STX8: variants seen among roughly 807,000 people sequenced by gnomAD.
STX8 encodes syntaxin 8, also known as syntaxin-8.
In STX8, 23 loss-of-function variants were observed where a neutral mutation model predicts 37.5. That is an observed-to-expected ratio of 0.61 (90% CI 0.44 to 0.87). The LOEUF (loss-of-function observed/expected upper bound fraction) is 0.87, where lower values mean the gene tolerates loss of function less well. Among genes scored for constraint, STX8 ranks in the 40% least tolerant of loss-of-function variants. STX8 has a pLI of 0.00. For synonymous variants in STX8, 115 were observed against 99.1 expected, an observed-to-expected ratio of 1.16 and a Z score of -0.95; for missense variants, 313 against 284.7, an observed-to-expected ratio of 1.10 and a Z score of -0.71.
At chr17:9,272,699 TTAGTTC>T (rs1907513204) in intron 7 of STX8, among the ~76,000 whole-genome samples, 1 of 152,240 alleles carries the variant, frequency 6.6e-6, no homozygotes, top group Admixed American at 6.5e-5. Context: ...TGTCTAATGA[TTAGTTC>T]CTTATGGTCC....
Position 9,358,467 on chromosome 17 carries a change from A to G in STX8, c.643+20085T>C, listed in dbSNP as rs76755258. 7.4e-3 allele frequency among the ~76,000 whole-genome samples: 1,135 copies of G among 152,356 alleles called. 18 individuals are homozygous for G. Among genetic ancestry groups the G allele is most frequent in the African/African-American group, 0.026 (1,073 of 41,586 alleles). On this transcript the variant is annotated intron_variant, in intron 7 of 7. Coordinates refer to ENST00000306357, the MANE Select transcript of STX8 (RefSeq NM_004853.3). ...TTTAAAAGGCATAATGGAAATGACAAGAAAACAGATACAAAAGGTATTTTT... is the reference window on the plus strand; with the variant it reads ...TTTAAAAGGCATAATGGAAATGACAGGAAAACAGATACAAAAGGTATTTTT...
intron 6 of STX8, among the ~76,000 whole-genome samples, chr17:9,460,673 C>CAA (rs751553222): frequency 0.42 from 40,118 of 95,968 alleles, 7,971 homozygotes; most frequent in East Asian, 0.72. Context: ...GACTCTGTCT[C>CAA]AAAAAAAAAA....
chr17:9,484,384 C>CA (rs58573668), intron 6 of STX8, among the ~76,000 whole-genome samples: 2,139 of 69,990 alleles, frequency 0.031, 24 homozygotes, highest in Non-Finnish European at 0.05. Flanking sequence ...AACCTAAGCT[C>CA]AAAAAAAAAA....
At position 9,549,725 on chromosome 17, in the gene STX8, G is replaced by A. The variant is rs185259882; in HGVS notation, c.213-4443C>T. Among the ~76,000 whole-genome samples, 46 of 152,322 alleles carry A rather than the reference G, an allele frequency of 3.0e-4. No homozygotes were observed. The East Asian group carries it at 8.7e-3, about 29-fold the overall frequency. On this transcript the variant is annotated intron_variant, in intron 3 of 7. Transcript: ENST00000306357. ...AGAGAACAGAGCATAAGGAGATGGG[G>A]AGGAGGGAGATGGAATGAGAATAAA... is the stretch of plus-strand genomic sequence containing the variant.
chr17:9,453,482 C>G (rs557430389), intron 6 of STX8, among the ~76,000 whole-genome samples: 2 of 146,516 alleles, frequency 1.4e-5, no homozygotes, highest in Admixed American at 1.4e-4. Context: ...CCTGTCACTA[C>G]TCATCTTTTT....
At chr17:9,422,854 T>TTAA (rs1913492050) in intron 6 of STX8, among the ~76,000 whole-genome samples, 1 of 152,256 alleles carries the variant, frequency 6.6e-6, no homozygotes, top group Non-Finnish European at 1.5e-5. Context: ...TCAGCTTGTA[T>TTAA]TAATGATCAC....
At chr17:9,333,256 C>G (rs565869050) in intron 7 of STX8, among the ~76,000 whole-genome samples, 47 of 152,298 alleles carry the variant, frequency 3.1e-4, no homozygotes, top group African/African-American at 1.1e-3. Flanking sequence ...CCCTCCCTCT[C>G]TCCCCCACAA....
chr17:9,504,761 T>C (rs1305842939), intron 5 of STX8, among the ~76,000 whole-genome samples: 2 of 151,724 alleles, frequency 1.3e-5, no homozygotes, highest in Non-Finnish European at 2.9e-5. Context: ...GATCATGAGG[T>C]CAGGAGATCA....
intron 7 of STX8, among the ~76,000 whole-genome samples, chr17:9,338,731 C>T (rs117900735): frequency 6.6e-6 from 1 of 152,078 alleles, no homozygotes; most frequent in African/African-American, 2.4e-5. Flanking sequence ...GGCCCAAGAC[C>T]CCCTGAATCG....
At chr17:9,387,532 A>G (rs1912057799) in intron 6 of STX8, among the ~76,000 whole-genome samples, 1 of 152,182 alleles carries the variant, frequency 6.6e-6, no homozygotes, top group Non-Finnish European at 1.5e-5. Context: ...TGACCTCATG[A>G]TCCGCCCGCC....
intron 5 of STX8, among the ~76,000 whole-genome samples, chr17:9,493,327 T>C (rs1399007687): frequency 6.6e-6 from 1 of 152,150 alleles, no homozygotes; most frequent in East Asian, 1.9e-4. Context: ...CTTGAATACT[T>C]TTTCCTTTGT....
intron 7 of STX8, among the ~76,000 whole-genome samples, chr17:9,344,467 G>T (rs372368704): frequency 6.6e-6 from 1 of 151,948 alleles, no homozygotes; most frequent in Non-Finnish European, 1.5e-5. Flanking sequence ...CGCCATGTTG[G>T]TCAGGCTGGT....
intron 6 of STX8, among the ~76,000 whole-genome samples, chr17:9,434,788 G>A (rs1313714672): frequency 6.6e-6 from 1 of 152,206 alleles, no homozygotes; most frequent in Non-Finnish European, 1.5e-5. Flanking sequence ...TTGGCTAGCT[G>A]TATTTATATC....
At chr17:9,279,659 T>TAGA in intron 7 of STX8, among the ~76,000 whole-genome samples, 1 of 152,186 alleles carries the variant, frequency 6.6e-6, no homozygotes, top group Non-Finnish European at 1.5e-5. Context: ...GATGGACTTC[T>TAGA]CACTGTCTTC....
At chr17:9,343,294 T>A (rs1397024857) in intron 7 of STX8, among the ~76,000 whole-genome samples, 1 of 152,114 alleles carries the variant, frequency 6.6e-6, no homozygotes, top group East Asian at 1.9e-4. Context: ...TGGGGCTCAG[T>A]TTACCCAGAG....
At chr17:9,453,808 G>A (rs1392826503) in intron 6 of STX8, among the ~76,000 whole-genome samples, 1 of 151,938 alleles carries the variant, frequency 6.6e-6, no homozygotes, top group African/African-American at 2.4e-5. Context: ...TCTTTCTTAT[G>A]GAGGATTTTT....
intron 5 of STX8, among the ~76,000 whole-genome samples, chr17:9,493,008 G>C (rs1906921151): frequency 6.6e-6 from 1 of 151,850 alleles, no homozygotes; most frequent in African/African-American, 2.4e-5. Context: ...TGAGGCAGGA[G>C]AATGGTGTGA....
chr17:9,440,162 TC>T (rs1385328538), intron 6 of STX8, among the ~76,000 whole-genome samples: 1 of 152,186 alleles, frequency 6.6e-6, no homozygotes, highest in Non-Finnish European at 1.5e-5. Context: ...TATAATGGTT[TC>T]CAATCTGGAT....
chr17:9,294,728 T>C (rs1413807193), intron 7 of STX8, among the ~76,000 whole-genome samples: 1 of 152,172 alleles, frequency 6.6e-6, no homozygotes, highest in Admixed American at 6.5e-5. Context: ...CCAACATTCA[T>C]ATGTTGAAGC....
Sources: allele counts gnomAD v4.1 joint callset (sites outside exome capture counted in the v4.1 genomes callset), GRCh38; gene constraint gnomAD v4.1.1; transcripts MANE v1.5; gene names NCBI Gene and HGNC (gene_info 2026-07-23, HGNC 2026-07-21).